The following MYOG variants were observed in gnomAD, a reference collection of about 807,000 sequenced individuals.
The protein encoded by MYOG is myogenin.
Under a neutral mutation model 17.7 loss-of-function variants are expected in MYOG, and 6 were observed. That is an observed-to-expected ratio of 0.34 (90% CI 0.19 to 0.67). MYOG has a LOEUF of 0.67. Ranked by LOEUF, MYOG falls within the 30% of genes least tolerant of loss-of-function variation. MYOG has a pLI of 0.69. For missense variants in MYOG, 272 were observed against 302.0 expected, an observed-to-expected ratio of 0.90 and a Z score of 0.74; for synonymous variants, 125 against 130.2, an observed-to-expected ratio of 0.96 and a Z score of 0.27.
rs536719297 is a variant in MYOG at position 203,084,692 on chromosome 1, T to A, written c.508A>T (p.Ser170Cys). The change falls in exon 2 of 3, where the codon AGT (serine) becomes TGT (cysteine). Residue 170 changes from serine (S) to cysteine (C), a missense_variant. Physicochemically the swap from Ser to Cys is moderately radical, Grantham distance 112. Transcript: ENST00000241651. ...TCCAGTGCACTGCCCCACTCTGGAC[T>A]GCAGGAGGCGCTGTGAGAGCTGCAT... ...SECSSHSASC[S>C]PEWGSALEFS... is the part of the protein sequence containing the mutation. 8.6e-5 allele frequency: 138 copies of A among 1,611,894 alleles called. No individual in the cohort carries two copies. In the East Asian group the frequency reaches 3.0e-3, roughly 35 times the overall value.
chr1:203,084,557 C>G (rs1032016008), intron 2 of MYOG, 90 bp downstream of exon 2: 9 of 1,195,284 alleles, frequency 7.5e-6, no homozygotes, highest in African/African-American at 1.5e-5. Context: ...GGGAAGAGGA[C>G]CGGAGCAAGG....
In MYOG at chr1:203,084,003, A is replaced by C. The variant is rs766684243; in HGVS notation, c.582T>G (p.Asp194Glu). 6 of 1,596,876 alleles carry C rather than the reference A, an allele frequency of 3.8e-6. 1 individual carries two copies. Among genetic ancestry groups the C allele is most frequent in the Non-Finnish European group, 3.4e-6 (4 of 1,171,492 alleles). ...GDHLLTADPT[D>E]AHNLHSLTSI... ...AGGTGAGGGAGTGCAGGTTGTGGGC[A>C]TCTGTAGGGTCAGCCGTGAGCAGAT... The change falls in exon 3 of 3, where the codon GAT (aspartate) becomes GAG (glutamate). Residue 194 changes from aspartate (D) to glutamate (E), a missense_variant. Physicochemically the swap from Asp to Glu is conservative, Grantham distance 45. Transcript: ENST00000241651.
chr1:203,083,893 C>G lies in MYOG; in HGVS notation c.*17G>C, dbSNP rs373581221. The G allele has an allele frequency of 1.3e-6, 2 of 1,582,994 alleles. No individual in the cohort carries two copies. The highest frequency in any genetic ancestry group is 1.3e-5 in the African/African-American group (1 of 74,724). On this transcript the variant is annotated 3_prime_UTR_variant, in exon 3 of 3. Coordinates refer to ENST00000241651, the MANE Select transcript of MYOG (RefSeq NM_002479.6). ...AGCTTGGGGGGCTCGCAAGGATGCC[C>G]GGCTTGGAAGACAATCTCAGTTGGG...
rs554412484 is a variant in MYOG at position 203,084,041 on chromosome 1, G to T, written c.554-10C>A. ...GCCGTGAGCAGATGATCTGTAAGGGGAGGTGGGAAGGTGGTACCTGGGTGA... is the reference window on the plus strand; with the variant it reads ...GCCGTGAGCAGATGATCTGTAAGGGTAGGTGGGAAGGTGGTACCTGGGTGA... On this transcript the variant is annotated splice_polypyrimidine_tract_variant and intron_variant, in intron 2 of 2. Transcript: ENST00000241651. The T allele has an allele frequency of 2.5e-6, 4 of 1,594,410 alleles. No individual in the cohort carries two copies. The South Asian group carries it at 4.6e-5, about 18-fold the overall frequency.
At chr1:203,084,934 G>A (rs976334675) in intron 1 of MYOG, among the ~76,000 whole-genome samples, 10 of 152,204 alleles carry the variant, frequency 6.6e-5, no homozygotes, top group African/African-American at 2.4e-4. Flanking sequence ...AGGCCTTCCT[G>A]GCTTCCATCC....
chr1:203,084,183 C>T lies in MYOG; in HGVS notation c.554-152G>A, dbSNP rs1212493440. 18 of 746,440 alleles carry T rather than the reference C, an allele frequency of 2.4e-5. No individual in the cohort carries two copies. In the South Asian group the frequency reaches 2.5e-4, roughly 10 times the overall value. The allele number at this position is 746,440 out of a possible 1,614,324, so 46.2% of individuals were successfully genotyped here. On this transcript the variant is annotated intron_variant, in intron 2 of 2. Transcript: ENST00000241651. Reference sequence around the variant, plus strand: ...TCTACTCCCTAGTCCCTGCCTTTCCCCATGCTCTGTGAGTGTGTGTGTGTG... The same window carrying T: ...TCTACTCCCTAGTCCCTGCCTTTCCTCATGCTCTGTGAGTGTGTGTGTGTG...
At position 203,085,512 on chromosome 1, in the gene MYOG, G is replaced by T. The variant is rs143736038; in HGVS notation, c.450C>A (p.Gly150=). 36 of 1,613,180 alleles carry T rather than the reference G, an allele frequency of 2.2e-5. No homozygotes were observed. The highest frequency in any genetic ancestry group is 1.7e-4 in the Middle Eastern group (1 of 6,046). The change falls in exon 1 of 3, where the codon GGC becomes GGA. Residue 150 remains glycine (G), a synonymous_variant. Coordinates refer to ENST00000241651, the MANE Select transcript of MYOG (RefSeq NM_002479.6). ...TTACCCCTGGCTGGGGCCCGCCCCCGCCCCGGTAGCGGAGGTCACGCTCCT... is the reference window on the plus strand; with the variant it reads ...TTACCCCTGGCTGGGGCCCGCCCCCTCCCCGGTAGCGGAGGTCACGCTCCT... ...NQEERDLRYR[G]GGGPQPGVPS...
chr1:203,084,487 A>T (rs1320364733), intron 2 of MYOG, among the ~76,000 whole-genome samples, 160 bp downstream of exon 2: 1 of 152,144 alleles, frequency 6.6e-6, no homozygotes, highest in African/African-American at 2.4e-5. Flanking sequence ...GCAGGGGCAC[A>T]CAGAACCTCC....
chr1:203,084,982 A>C (rs1443258114), intron 1 of MYOG, among the ~76,000 whole-genome samples: 2 of 152,186 alleles, frequency 1.3e-5, no homozygotes, highest in African/African-American at 4.8e-5. Flanking sequence ...ACCAGCTTAA[A>C]GGGGTCCCTG....
At chr1:203,084,195 A>AGTGTGTGTTTGTGTGTGT (rs1653563131) in intron 2 of MYOG, among the ~76,000 whole-genome samples, 164 bp from the exon 3 acceptor site, 1 of 135,414 alleles carries the variant, frequency 7.4e-6, no homozygotes, top group Non-Finnish European at 1.6e-5. Flanking sequence ...ATGCTCTGTG[A>AGTGTGTGTTTGTGTGTGT]GTGTGTGTGT....
At chr1:203,084,453 A>G (rs995016795) in intron 2 of MYOG, among the ~76,000 whole-genome samples, 194 bp downstream of exon 2, 2 of 152,122 alleles carry the variant, frequency 1.3e-5, no homozygotes, top group African/African-American at 2.4e-5. Flanking sequence ...AGGAGCTACT[A>G]TCACTCCTTT....
Position 203,083,930 on chromosome 1 carries a change from C to T in MYOG, c.655G>A (p.Asp219Asn), listed in dbSNP as rs1653556203. The change falls in exon 3 of 3, where the codon GAT (aspartate) becomes AAT (asparagine). Residue 219 changes from aspartate to asparagine, a missense_variant. Asp to Asn is a conservative substitution (Grantham distance 23, BLOSUM62 1). Coordinates refer to ENST00000241651, the MANE Select transcript of MYOG (RefSeq NM_002479.6). ...CAATCTCAGTTGGGCATGGTTTCAT[C>T]TGGGAAGGCCACAGACACATCTTCC... ...TVEDVSVAFPDETMPN is the reference protein window; with the variant it reads ...TVEDVSVAFPNETMPN 1 of 1,590,546 alleles carries T rather than the reference C, an allele frequency of 6.3e-7. No homozygotes were observed. The highest frequency in any genetic ancestry group is 8.6e-7 in the Non-Finnish European group (1 of 1,167,892).
Position 203,085,744 on chromosome 1 carries a change from C to G in MYOG, c.218G>C (p.Cys73Ser). The part of the protein sequence containing the change: ...GQCLPWACKV[C>S]KRKSVSVDRR... Reference sequence around the variant, plus strand: ...GTCCACGGACACCGACTTCCTCTTACACACCTTACACGCCCACGGCAGGCA... The same window carrying G: ...GTCCACGGACACCGACTTCCTCTTAGACACCTTACACGCCCACGGCAGGCA... The change falls in exon 1 of 3, where the codon TGT (cysteine) becomes TCT (serine). Residue 73 changes from cysteine to serine, a missense_variant. Cys to Ser is a moderately radical substitution (Grantham distance 112). Transcript: ENST00000241651. 6.2e-7 allele frequency: 1 copy of G among 1,614,142 alleles called. No homozygotes were observed. The highest frequency in any genetic ancestry group is 8.5e-7 in the Non-Finnish European group (1 of 1,180,002).
chr1:203,083,778 C>T lies in MYOG; in HGVS notation c.*132G>A. The T allele has an allele frequency of 7.3e-7, 1 of 1,369,850 alleles. No individual in the cohort carries two copies. The highest frequency in any genetic ancestry group is 1.0e-6 in the Non-Finnish European group (1 of 1,003,046). The allele number at this position is 1,369,850 out of a possible 1,614,324, so 84.9% of individuals were successfully genotyped here. A position where few individuals can be genotyped will look rare whatever the true frequency, so the allele number is the denominator to read the frequency against. ...TTACATGGATGAGGAAGGGGATAGT[C>T]TGGCCTATGGCACCCCAGAGCTGGC... On this transcript the variant is annotated 3_prime_UTR_variant, in exon 3 of 3. Coordinates refer to ENST00000241651, the MANE Select transcript of MYOG (RefSeq NM_002479.6).
rs1359491318 is a variant in MYOG, at chr1:203,085,782, G to A, written c.180C>T (p.His60=). Residue 60 remains histidine, a synonymous_variant, in exon 1 of 3, where the codon CAC becomes CAT. Coordinates refer to ENST00000241651, the MANE Select transcript of MYOG (RefSeq NM_002479.6). ...CCCACGGCAGGCACTGGCCTGGACA[G>A]TGCTCGGGGGTCCCCAGCCCCTTGT... ...LEDKGLGTPE[H]CPGQCLPWAC... The A allele has an allele frequency of 1.2e-6, 2 of 1,613,806 alleles. No individual in the cohort carries two copies. The highest frequency in any genetic ancestry group is 1.7e-6 in the Non-Finnish European group (2 of 1,179,918).
In MYOG at chr1:203,085,906, C is replaced by T. The variant is rs766486346; in HGVS notation, c.56G>A (p.Gly19Glu). The change falls in exon 1 of 3, where the codon GGG becomes GAG. Residue 19 changes from glycine to glutamate, a missense_variant. Gly to Glu is a moderately conservative substitution (Grantham distance 98, BLOSUM62 -2). Transcript: ENST00000241651. Reference protein sequence around the residue: ...YFYQEPRFYDGENYLPVHLQG... With the variant: ...YFYQEPRFYDEENYLPVHLQG... ...GAGGTGGACAGGCAGGTAGTTTTCCCCATCATAGAAGCGGGGTTCCTGGTA... is the reference window on the plus strand; with the variant it reads ...GAGGTGGACAGGCAGGTAGTTTTCCTCATCATAGAAGCGGGGTTCCTGGTA... The T allele has an allele frequency of 6.2e-7, 1 of 1,609,998 alleles. No individual in the cohort carries two copies. Among genetic ancestry groups the T allele is most frequent in the South Asian group, 1.1e-5 (1 of 90,550 alleles).
In MYOG at chr1:203,083,522, A is replaced by G. The variant is rs1653539346; in HGVS notation, c.*388T>C. The G allele has an allele frequency of 2.1e-6, 1 of 470,932 alleles. No individual in the cohort carries two copies. The highest frequency in any genetic ancestry group is 3.5e-5 in the Admixed American group (1 of 28,322). The allele number at this position is 470,932 out of a possible 1,614,324, so 29.2% of individuals were successfully genotyped here. ...GAAGAGACCAGAACAGGAGACGTGC[A>G]CAGCTTGTCCAGGTCAGGGCACTGC... On this transcript the variant is annotated 3_prime_UTR_variant, in exon 3 of 3. Transcript: ENST00000241651.
At chr1:203,085,435 A>G (rs1410814152) in intron 1 of MYOG, 56 bp downstream of exon 1, 17 of 1,481,778 alleles carry the variant, frequency 1.1e-5, no homozygotes, top group Non-Finnish European at 1.5e-5. Flanking sequence ...GAGGCTGTCC[A>G]GGTGCCTCCC....
At chr1:203,084,563 C>T (rs1653574600) in intron 2 of MYOG, 84 bp downstream of exon 2, 2 of 1,238,464 alleles carry the variant, frequency 1.6e-6, no homozygotes, top group South Asian at 2.6e-5. Context: ...AGGACCGGAG[C>T]AAGGAATAAG....
Sources: gnomAD v4.1 joint callset for allele counts (sites outside exome capture counted in the v4.1 genomes callset) on GRCh38, gnomAD v4.1.1 for gene constraint, MANE v1.5 for transcripts, NCBI Gene and HGNC (gene_info 2026-07-23, HGNC 2026-07-21) for gene names.